Variants in GLB1L observed in about 807,000 individuals in gnomAD.
GLB1L encodes beta-galactosidase-1-like protein.
GLB1L carries 58 observed loss-of-function variants against 75.7 expected under a neutral mutation model. The observed-to-expected ratio is 0.77, with a 90% CI of 0.62 to 0.95. The LOEUF is 0.95. Ranked by LOEUF, GLB1L falls within the 40% of genes least tolerant of loss-of-function variation. The pLI is 0.00. For missense variants in GLB1L, 797 were observed against 805.5 expected, an observed-to-expected ratio of 0.99 and a Z score of 0.13; for synonymous variants, 296 against 303.0, an observed-to-expected ratio of 0.98 and a Z score of 0.24.
Position 219,239,961 on chromosome 2 carries a change from C to T in GLB1L, c.680G>A (p.Gly227Asp), listed in dbSNP as rs199831758. ...AGTGGTATAGAGTCCCCGGAGGGAG[C>T]CACACTTGAGTCCTTCAGGCCCATC... ...TTDGPEGLKCGSLRGLYTTVD... is the reference protein window; with the variant it reads ...TTDGPEGLKCDSLRGLYTTVD... Residue 227 changes from glycine to aspartate, a missense_variant, in exon 7 of 17, where the codon GGC becomes GAC. By Grantham distance (94) the Gly-to-Asp change is moderately conservative. Transcript: ENST00000295759. 3.8e-5 allele frequency: 62 copies of T among 1,613,992 alleles called. No homozygotes were observed. The highest frequency in any genetic ancestry group is 4.8e-5 in the Non-Finnish European group (57 of 1,180,056).
chr2:219,239,671 C>T lies in GLB1L; in HGVS notation c.792G>A (p.Glu264=). Residue 264 remains glutamate (E), a synonymous_variant, in exon 9 of 17, where the codon GAG becomes GAA. Transcript: ENST00000295759. ...AGTAATCCAGCCAGCCTGTGTAGTA[C>T]TCAGAGTTTACCTAGAGTGTGAAAT... ...YEPHGPLVNS[E]YYTGWLDYWG... 1 of 1,614,168 alleles carries T rather than the reference C, an allele frequency of 6.2e-7. No homozygotes were observed. The highest frequency in any genetic ancestry group is 1.1e-5 in the South Asian group (1 of 91,082).
At position 219,237,987 on chromosome 2, in the gene GLB1L, G is replaced by A. The variant is rs752975436; in HGVS notation, c.1342-30C>T. 8 of 1,611,890 alleles carry A rather than the reference G, an allele frequency of 5.0e-6. No homozygotes were observed. In the African/African-American group the frequency reaches 1.1e-4, roughly 22 times the overall value. ...GGATAGGAGATAGGATAGGAGCAAG[G>A]CTCAGCATCTAGCTCTTAGCCACTG... On this transcript the variant is annotated intron_variant, in intron 14 of 16. Coordinates refer to ENST00000295759, the MANE Select transcript of GLB1L (RefSeq NM_001286423.2).
chr2:219,238,900 C>G (rs1258017271), intron 11 of GLB1L, 121 bp from the exon 12 acceptor site: 2 of 933,062 alleles, frequency 2.1e-6, no homozygotes, highest in East Asian at 4.9e-5. Context: ...CATGGAGGCT[C>G]AATAATTTTG....
intron 5 of GLB1L, among the ~76,000 whole-genome samples, chr2:219,241,468 A>G (rs572936564): frequency 7.0e-6 from 1 of 142,276 alleles, no homozygotes; most frequent in South Asian, 2.2e-4. Context: ...ATATATATAC[A>G]TACATATATA....
At chr2:219,243,341 G>A (rs761886400) in intron 2 of GLB1L, 27 bp from the exon 3 acceptor site, 3 of 1,589,904 alleles carry the variant, frequency 1.9e-6, no homozygotes, top group African/African-American at 2.7e-5. Context: ...ACGCTGCTCA[G>A]CAGACGCCTG....
At chr2:219,238,915 C>G (rs147127165) in intron 11 of GLB1L, 136 bp from the exon 12 acceptor site, 1 of 869,088 alleles carries the variant, frequency 1.2e-6, no homozygotes, top group East Asian at 2.5e-5. Flanking sequence ...ATTTTGCACA[C>G]CTGTGTGTCT....
intron 4 of GLB1L, 63 bp from the exon 5 acceptor site, chr2:219,242,637 G>T: frequency 6.5e-7 from 1 of 1,547,680 alleles, no homozygotes. Flanking sequence ...TGGTGGGGAA[G>T]CTAGGAAGGG....
At chr2:219,241,814 A>C (rs548295589) in intron 5 of GLB1L, among the ~76,000 whole-genome samples, 1 of 152,212 alleles carries the variant, frequency 6.6e-6, no homozygotes, top group East Asian at 1.9e-4. Context: ...CTTGAACAGG[A>C]TCACACTGGC....
In GLB1L at chr2:219,237,868, G is replaced by A. The variant is rs754152193; in HGVS notation, c.1431C>T (p.Asn477=). Residue 477 remains asparagine (N), a synonymous_variant, in exon 15 of 17, where the codon AAC becomes AAT. Transcript: ENST00000295759. ...LGSKLDILVE[N]MGRLSFGSNS... is the part of the protein sequence containing the mutation. ...TAGACCCAAAGCTGAGCCTCCCCAT[G>A]TTCTCCACCAAGATATCCAGTTTGG... The A allele has an allele frequency of 1.9e-6, 3 of 1,614,124 alleles. No individual in the cohort carries two copies. The highest frequency in any genetic ancestry group is 1.6e-4 in the Middle Eastern group (1 of 6,062).
intron 5 of GLB1L, among the ~76,000 whole-genome samples, chr2:219,241,401 AAT>A (rs1255448318): frequency 9.5e-5 from 8 of 84,384 alleles, no homozygotes; most frequent in East Asian, 4.0e-4. Context: ...AAATAAAAAT[AAT>A]ATATATATAT....
rs371105850 is a variant in GLB1L at position 219,240,064 on chromosome 2, A to G, written c.577T>C (p.Cys193Arg). The change falls in exon 7 of 17, where the codon TGT (cysteine) becomes CGT (arginine). Residue 193 changes from cysteine to arginine, a missense_variant. Cys to Arg is a radical substitution (Grantham distance 180, BLOSUM62 -3). Transcript: ENST00000295759. ...AAGTGCCTCATGTAGCTGAAGTCAC[A>G]GGCTCTGTAGCTACCATATTCATTC... ...VENEYGSYRACDFSYMRHLAG... is the reference protein window; with the variant it reads ...VENEYGSYRARDFSYMRHLAG... 3.1e-6 allele frequency: 5 copies of G among 1,613,970 alleles called. No individual in the cohort carries two copies. Among genetic ancestry groups the G allele is most frequent in the Non-Finnish European group, 4.2e-6 (5 of 1,180,034 alleles).
chr2:219,237,675 A>G lies in GLB1L; in HGVS notation c.1526T>C (p.Met509Thr), dbSNP rs1559262997. 1 of 1,614,268 alleles carries G rather than the reference A, an allele frequency of 6.2e-7. No homozygotes were observed. Among genetic ancestry groups the G allele is most frequent in the Non-Finnish European group, 8.5e-7 (1 of 1,180,054 alleles). The change falls in exon 16 of 17, where the codon ATG (methionine) becomes ACG (threonine). Residue 509 changes from methionine to threonine, a missense_variant. Transcript: ENST00000295759. ...AAGGTTATCAATTTTCAGAGGGAAC[A>G]TCATCCACTGGGTAAGGATTGTTTG... ...LGQTILTQWM[M>T]FPLKIDNLVK...
Position 219,237,121 on chromosome 2 carries a change from G to A in GLB1L, c.1916C>T (p.Ser639Leu). The change falls in exon 17 of 17, where the codon TCA becomes TTA. Residue 639 changes from serine to leucine, a missense_variant. Physicochemically the swap from Ser to Leu is moderately radical, Grantham distance 145 (BLOSUM62 -2). Transcript: ENST00000295759. The part of the protein sequence containing the change: ...TLHRTHINSL[S>L]ADTLSASEPM... ...TTCAGAGGCACTCAGTGTATCAGCT[G>A]AAAGGGAATTGATATGTGTCCTGTG... 3 of 1,613,442 alleles carry A rather than the reference G, an allele frequency of 1.9e-6. No individual in the cohort carries two copies. The highest frequency in any genetic ancestry group is 2.5e-6 in the Non-Finnish European group (3 of 1,179,382).
intron 1 of GLB1L, among the ~76,000 whole-genome samples, chr2:219,244,792 T>TA (rs1302169448): frequency 1.3e-5 from 2 of 152,188 alleles, no homozygotes; most frequent in Non-Finnish European, 2.9e-5. Flanking sequence ...ATGAGGTAGA[T>TA]AATTATTTCC....
Position 219,243,518 on chromosome 2 carries a change from G to C in GLB1L, c.56C>G (p.Thr19Arg). ...LRSLLLPLSL[T>R]LLLPQADTRS... ...TCATCTTACCTGGGGCAGCAGTAGC[G>C]TCAGGCTGAGCGGCAGCAGCAGGGA... The change falls in exon 2 of 17, where the codon ACG (threonine) becomes AGG (arginine). Residue 19 changes from threonine to arginine, a missense_variant. Coordinates refer to ENST00000295759, the MANE Select transcript of GLB1L (RefSeq NM_001286423.2). 1 of 1,614,232 alleles carries C rather than the reference G, an allele frequency of 6.2e-7. No homozygotes were observed. The highest frequency in any genetic ancestry group is 8.5e-7 in the Non-Finnish European group (1 of 1,180,028).
chr2:219,239,588 A>G lies in GLB1L; in HGVS notation c.875T>C (p.Met292Thr). ...VSAVTKGLEN[M>T]LKLGASVNMY... ...GTTCACACTGGCTCCCAACTTGAGC[A>G]TGTTCTCTAGTCCTTTGGTTACAGC... The change falls in exon 9 of 17, where the codon ATG becomes ACG. Residue 292 changes from methionine (M) to threonine (T), a missense_variant. Coordinates refer to ENST00000295759, the MANE Select transcript of GLB1L (RefSeq NM_001286423.2). 6.2e-7 allele frequency: 1 copy of G among 1,614,198 alleles called. No individual in the cohort carries two copies. Among genetic ancestry groups the G allele is most frequent in the Non-Finnish European group, 8.5e-7 (1 of 1,180,032 alleles).
rs999944494 is a variant in GLB1L at position 219,244,149 on chromosome 2, C to CACAA, written c.-70-510_-70-507dup. On this transcript the variant is annotated intron_variant, in intron 1 of 16. Coordinates refer to ENST00000295759, the MANE Select transcript of GLB1L (RefSeq NM_001286423.2). The stretch of plus-strand genomic sequence containing the variant: ...CAGAGCGAGACTCTGTCTCAAAAAA[C>CACAA]ACAAACAAACAAACAAAAGAAATGT... 1.3e-4 allele frequency among the ~76,000 whole-genome samples: 20 copies of CACAA among 152,228 alleles called. No individual in the cohort carries two copies. The South Asian group carries it at 1.5e-3, about 11-fold the overall frequency.
intron 13 of GLB1L, 39 bp downstream of exon 13, chr2:219,238,456 G>C: frequency 6.3e-7 from 1 of 1,584,464 alleles, no homozygotes; most frequent in South Asian, 1.1e-5. Context: ...GCTGTTAAGG[G>C]AGGTTGTCAT....
At chr2:219,241,465 TACATAC>T (rs1951392909) in intron 5 of GLB1L, among the ~76,000 whole-genome samples, 3 of 136,530 alleles carry the variant, frequency 2.2e-5, no homozygotes, top group Non-Finnish European at 3.1e-5. Context: ...TATATATATA[TACATAC>T]ATATATATGT....
Sources: gnomAD v4.1 joint callset for allele counts (sites outside exome capture counted in the v4.1 genomes callset) on GRCh38, gnomAD v4.1.1 for gene constraint, MANE v1.5 for transcripts, NCBI Gene and HGNC (gene_info 2026-07-23, HGNC 2026-07-21) for gene names.